Variants in ITM2B observed in about 807,000 individuals in gnomAD.
The protein encoded by ITM2B is integral membrane protein 2B.
In ITM2B, 11 loss-of-function variants were observed where a neutral mutation model predicts 27.8. The ratio of observed to expected loss-of-function variants is 0.40; its 90% CI spans 0.25 to 0.66. The LOEUF (loss-of-function observed/expected upper bound fraction) is 0.66, where lower values mean the gene tolerates loss of function less well. Among genes scored for constraint, ITM2B ranks in the 30% least tolerant of loss-of-function variants. ITM2B has a pLI of 0.43. For synonymous variants in ITM2B, 114 were observed against 114.3 expected, an observed-to-expected ratio of 1.00 and a Z score of 0.02; for missense variants, 296 against 328.9, an observed-to-expected ratio of 0.90 and a Z score of 0.77.
Position 48,262,519 on chromosome 13 carries a change from T to C in ITM2B, c.*1295T>C, listed in dbSNP as rs1025825741. 2.0e-5 allele frequency: 3 copies of C among 152,192 alleles called. No homozygotes were observed. The highest frequency in any genetic ancestry group is 2.0e-4 in the Admixed American group (3 of 15,258). 9.4% of individuals were successfully genotyped at this position (152,192 alleles called of 1,614,324 possible). A position where few individuals can be genotyped will look rare whatever the true frequency, so the allele number is the denominator to read the frequency against. ...TTGGGTATTCAGGAATTAACAATTT[T>C]AGAAGACAATATGTTTCAATAAAAT... On this transcript the variant is annotated 3_prime_UTR_variant, in exon 6 of 6. Transcript: ENST00000647800.
intron 2 of ITM2B, among the ~76,000 whole-genome samples, chr13:48,255,230 AGT>A (rs57255200): frequency 0.18 from 26,759 of 149,506 alleles, 2,500 homozygotes; most frequent in Admixed American, 0.22. Context: ...TAGTGTGTGT[AGT>A]GTGTGTGTGT....
chr13:48,234,024 G>A (rs903032795), intron 1 of ITM2B, among the ~76,000 whole-genome samples: 2 of 152,132 alleles, frequency 1.3e-5, no homozygotes, highest in Admixed American at 6.6e-5. Flanking sequence ...TTCGGTAGTG[G>A]CAGGTGAACT....
intron 1 of ITM2B, among the ~76,000 whole-genome samples, chr13:48,235,497 T>G (rs1013303296): frequency 6.6e-6 from 1 of 152,230 alleles, no homozygotes; most frequent in Non-Finnish European, 1.5e-5. Flanking sequence ...AAGACTTCTT[T>G]AGGGGATGAC....
rs1951788401 is a variant in ITM2B at position 48,256,273 on chromosome 13, A to G, written c.343A>G (p.Ile115Val). Residue 115 changes from isoleucine to valine, a missense_variant, in exon 3 of 6, where the codon ATT becomes GTT. Coordinates refer to ENST00000647800, the MANE Select transcript of ITM2B (RefSeq NM_021999.5). The stretch of plus-strand genomic sequence containing the variant: ...TGCCCCAGCTGCTCTCTACCAGACA[A>G]TTGAAGAAAATATTAAAATCTTTGA... Reference protein sequence around the residue: ...ADAPAALYQTIEENIKIFEEE... With the variant: ...ADAPAALYQTVEENIKIFEEE... 2 of 1,613,808 alleles carry G rather than the reference A, an allele frequency of 1.2e-6. No homozygotes were observed. Among genetic ancestry groups the G allele is most frequent in the Non-Finnish European group, 1.7e-6 (2 of 1,179,716 alleles).
chr13:48,251,439 C>T (rs920352536), intron 1 of ITM2B, among the ~76,000 whole-genome samples: 7 of 152,100 alleles, frequency 4.6e-5, no homozygotes, highest in Non-Finnish European at 8.8e-5. Context: ...ATCTGTTTTC[C>T]GGACTGATCT....
chr13:48,235,409 G>A (rs1198793468), intron 1 of ITM2B, among the ~76,000 whole-genome samples: 1 of 152,164 alleles, frequency 6.6e-6, no homozygotes, highest in Non-Finnish European at 1.5e-5. Flanking sequence ...GGCCAGAGTC[G>A]TCTTTGTAAA....
intron 1 of ITM2B, among the ~76,000 whole-genome samples, chr13:48,248,333 G>C (rs1371761475): frequency 6.6e-6 from 1 of 151,556 alleles, no homozygotes; most frequent in African/African-American, 2.4e-5. Flanking sequence ...ATAGGATCTT[G>C]CTATGTTGCC....
In ITM2B at chr13:48,233,260, C is replaced by T. The variant is rs991806046; in HGVS notation, c.-101C>T. On this transcript the variant is annotated 5_prime_UTR_variant, in exon 1 of 6. Transcript: ENST00000647800. Reference sequence around the variant, plus strand: ...CCGAACCTCTTCAGCCGCCCGGAGCCGCTCCCGGAGCCCGGCCGTAGAGGC... The same window carrying T: ...CCGAACCTCTTCAGCCGCCCGGAGCTGCTCCCGGAGCCCGGCCGTAGAGGC... 2.9e-6 allele frequency: 2 copies of T among 684,414 alleles called. No homozygotes were observed. Among genetic ancestry groups the T allele is most frequent in the Middle Eastern group, 3.8e-4 (1 of 2,646 alleles). The allele number at this position is 684,414 out of a possible 1,614,324, so 42.4% of individuals were successfully genotyped here. A position where few individuals can be genotyped will look rare whatever the true frequency, so the allele number is the denominator to read the frequency against.
At chr13:48,244,080 A>G (rs969943622) in intron 1 of ITM2B, among the ~76,000 whole-genome samples, 4 of 152,186 alleles carry the variant, frequency 2.6e-5, no homozygotes, top group African/African-American at 9.7e-5. Flanking sequence ...TAAATGATGT[A>G]TTGGATTAAA....
rs753987431 is a variant in ITM2B, at chr13:48,263,847, A to G, written c.*2623A>G. On this transcript the variant is annotated 3_prime_UTR_variant, in exon 6 of 6. Coordinates refer to ENST00000647800, the MANE Select transcript of ITM2B (RefSeq NM_021999.5). ...TGACCTAACACCTCTCAAAGGCCCC[A>G]TTTCCTAATACTGTCACCTTGGGGG... 1 of 152,052 alleles carries G rather than the reference A, an allele frequency of 6.6e-6. No individual in the cohort carries two copies. Among genetic ancestry groups the G allele is most frequent in the African/African-American group, 2.4e-5 (1 of 41,402 alleles). The allele number at this position is 152,052 out of a possible 1,614,324, so 9.4% of individuals were successfully genotyped here.
chr13:48,243,111 AGGATG>A (rs1321112003), intron 1 of ITM2B, among the ~76,000 whole-genome samples: 12 of 152,100 alleles, frequency 7.9e-5, no homozygotes, highest in Non-Finnish European at 2.9e-5. Context: ...AAGATCAGAC[AGGATG>A]GTCTAGAAAG....
chr13:48,258,494 C>T (rs1488823006), intron 4 of ITM2B, among the ~76,000 whole-genome samples: 3 of 152,124 alleles, frequency 2.0e-5, no homozygotes, highest in African/African-American at 7.2e-5. Context: ...GTGCCATAGA[C>T]AATACGTAAA....
intron 3 of ITM2B, 113 bp downstream of exon 3, chr13:48,256,496 ACTG>A: frequency 1.1e-6 from 1 of 876,904 alleles, no homozygotes; most frequent in Non-Finnish European, 1.8e-6. Context: ...AGTTTAATAA[ACTG>A]TCAGCATTTG....
intron 2 of ITM2B, among the ~76,000 whole-genome samples, chr13:48,255,254 T>C (rs12877456): frequency 0.36 from 51,743 of 143,882 alleles, 9,434 homozygotes; most frequent in African/African-American, 0.51. Context: ...TGTGTGTGTG[T>C]GCGCGCGCGT....
Position 48,267,715 on chromosome 13 carries a change from T to G in ITM2B, c.*6491T>G, listed in dbSNP as rs1211740789. 1 of 152,240 alleles carries G rather than the reference T, an allele frequency of 6.6e-6. No homozygotes were observed. The highest frequency in any genetic ancestry group is 1.5e-5 in the Non-Finnish European group (1 of 68,038). The allele number at this position is 152,240 out of a possible 1,614,324, so 9.4% of individuals were successfully genotyped here. A position where few individuals can be genotyped will look rare whatever the true frequency, so the allele number is the denominator to read the frequency against. On this transcript the variant is annotated 3_prime_UTR_variant, in exon 6 of 6. Coordinates refer to ENST00000647800, the MANE Select transcript of ITM2B (RefSeq NM_021999.5). ...TAAAATTTAGTGTTAGGAAAATTTT[T>G]TTCACATAGGATACATGTTAATATT... is the stretch of plus-strand genomic sequence containing the variant.
At chr13:48,239,695 C>G (rs960586921) in intron 1 of ITM2B, among the ~76,000 whole-genome samples, 6 of 152,168 alleles carry the variant, frequency 3.9e-5, no homozygotes, top group African/African-American at 1.4e-4. Flanking sequence ...GCTGGATCCT[C>G]CAATTTTCCA....
At chr13:48,256,664 T>C (rs1350011118) in intron 3 of ITM2B, among the ~76,000 whole-genome samples, 2 of 152,202 alleles carry the variant, frequency 1.3e-5, no homozygotes, top group African/African-American at 2.4e-5. Context: ...CACATTTTCT[T>C]AGATAAGAGG....
intron 1 of ITM2B, among the ~76,000 whole-genome samples, chr13:48,245,556 A>T (rs544775551): frequency 2.6e-5 from 4 of 151,432 alleles, no homozygotes; most frequent in African/African-American, 9.7e-5. Flanking sequence ...TTTTTTTTTC[A>T]AGTTCCAACC....
intron 1 of ITM2B, among the ~76,000 whole-genome samples, chr13:48,240,285 A>G (rs1300427372): frequency 6.6e-6 from 1 of 152,180 alleles, no homozygotes; most frequent in Non-Finnish European, 1.5e-5. Context: ...GGCTCACTGC[A>G]GCCTCTGCCT....
Sources: gnomAD v4.1 joint callset for allele counts (sites outside exome capture counted in the v4.1 genomes callset) on GRCh38, gnomAD v4.1.1 for gene constraint, MANE v1.5 for transcripts, NCBI Gene and HGNC (gene_info 2026-07-23, HGNC 2026-07-21) for gene names.